FOXK1: variants seen among roughly 807,000 people sequenced by gnomAD.
The protein encoded by FOXK1 is forkhead box protein K1.
A neutral mutation model predicts 51.9 loss-of-function variants in FOXK1; 19 were observed. That is an observed-to-expected ratio of 0.37 (90% CI 0.26 to 0.54). The LOEUF is 0.54. Ranked by LOEUF, FOXK1 falls within the 20% of genes least tolerant of loss-of-function variation. FOXK1 has a pLI of 0.87. For synonymous variants in FOXK1, 537 were observed against 482.6 expected, an observed-to-expected ratio of 1.11 and a Z score of -1.48; for missense variants, 870 against 1,032.7, an observed-to-expected ratio of 0.84 and a Z score of 2.16.
Position 4,707,314 on chromosome 7 carries a change from T to C in FOXK1, c.560+24446T>C, listed in dbSNP as rs1020266333. Among the ~76,000 whole-genome samples, 1 of 152,174 alleles carries C rather than the reference T, an allele frequency of 6.6e-6. No individual in the cohort carries two copies. Among genetic ancestry groups the C allele is most frequent in the Non-Finnish European group, 1.5e-5 (1 of 68,030 alleles). On this transcript the variant is annotated intron_variant, in intron 1 of 8. Coordinates refer to ENST00000328914, the MANE Select transcript of FOXK1 (RefSeq NM_001037165.2). This position sits in a 1 kb window ranked among gnomAD's most constrained non-coding sequence, Gnocchi z 4.1. ...TCAGTGCTTATTTCAGGGAAAACTCTTGTGATGAATGGGCCATCCGGGATA... is the reference window on the plus strand; with the variant it reads ...TCAGTGCTTATTTCAGGGAAAACTCCTGTGATGAATGGGCCATCCGGGATA...
intron 1 of FOXK1, among the ~76,000 whole-genome samples, chr7:4,685,689 T>A (rs1361921461): frequency 1.3e-5 from 2 of 152,098 alleles, no homozygotes; most frequent in Admixed American, 6.6e-5. Flanking sequence ...ACGCCTGTAA[T>A]CTCAGCACTT....
At position 4,730,055 on chromosome 7, in the gene FOXK1, T is replaced by G. The variant is rs184067173; in HGVS notation, c.561-10783T>G. Among the ~76,000 whole-genome samples, 565 of 152,270 alleles carry G rather than the reference T, an allele frequency of 3.7e-3. 3 individuals carry two copies. The highest frequency in any genetic ancestry group is 0.013 in the African/African-American group (532 of 41,560). On this transcript the variant is annotated intron_variant, in intron 1 of 8. Coordinates refer to ENST00000328914, the MANE Select transcript of FOXK1 (RefSeq NM_001037165.2). The surrounding 1 kb of genome is among the most constrained non-coding windows in gnomAD (Gnocchi z 4.7). Reference sequence around the variant, plus strand: ...GGCTTCGGTCAGACCGTTGTCTGCGTTTTTCACCGCGTGTCACCGACTCAG... The same window carrying G: ...GGCTTCGGTCAGACCGTTGTCTGCGGTTTTCACCGCGTGTCACCGACTCAG...
chr7:4,737,286 A>T (rs1482693969), intron 1 of FOXK1, among the ~76,000 whole-genome samples: 2 of 152,240 alleles, frequency 1.3e-5, no homozygotes, highest in Non-Finnish European at 2.9e-5. Flanking sequence ...TCTGACAAAT[A>T]GGAGAACATG....
chr7:4,724,452 T>C (rs573605596), intron 1 of FOXK1, among the ~76,000 whole-genome samples: 21 of 152,348 alleles, frequency 1.4e-4, no homozygotes, highest in African/African-American at 5.0e-4. Flanking sequence ...TGCCTTGGCC[T>C]CCCAAAGTGC....
chr7:4,741,558 C>T (rs529809302), intron 2 of FOXK1, among the ~76,000 whole-genome samples: 17 of 152,206 alleles, frequency 1.1e-4, no homozygotes, highest in African/African-American at 4.1e-4. Context: ...CTCGAACTCC[C>T]AACCTCAAAT....
chr7:4,695,324 T>G (rs1459468971), intron 1 of FOXK1, among the ~76,000 whole-genome samples: 4 of 152,248 alleles, frequency 2.6e-5, no homozygotes, highest in African/African-American at 9.6e-5. Context: ...AATATCCAGC[T>G]TCCTTTGCAA....
Position 4,733,171 on chromosome 7 carries a change from G to C in FOXK1, c.561-7667G>C, listed in dbSNP as rs540026874. Reference sequence around the variant, plus strand: ...AGGGCCAAGTTTGTTTCTTTTATACGTGACGGTCTTTTTTTTTTTAATTTT... The same window carrying C: ...AGGGCCAAGTTTGTTTCTTTTATACCTGACGGTCTTTTTTTTTTTAATTTT... On this transcript the variant is annotated intron_variant, in intron 1 of 8. Coordinates refer to ENST00000328914, the MANE Select transcript of FOXK1 (RefSeq NM_001037165.2). This position sits in a 1 kb window ranked among gnomAD's most constrained non-coding sequence, Gnocchi z 5.0. 6.6e-6 allele frequency among the ~76,000 whole-genome samples: 1 copy of C among 151,794 alleles called. No individual in the cohort carries two copies. The highest frequency in any genetic ancestry group is 1.5e-5 in the Non-Finnish European group (1 of 67,938).
intron 1 of FOXK1, among the ~76,000 whole-genome samples, chr7:4,694,702 G>A (rs1779931809): frequency 6.6e-6 from 1 of 152,198 alleles, no homozygotes; most frequent in African/African-American, 2.4e-5. Context: ...CTTGTCTGTA[G>A]GATGACCCGT....
chr7:4,756,626 A>G lies in FOXK1; in HGVS notation c.1051-368A>G, dbSNP rs1010823752. ...AAAAATACAAAAAAATCAACCCAGC[A>G]TGGTGGCCCACGCCCATAGTCCCAG... is the stretch of plus-strand genomic sequence containing the variant. On this transcript the variant is annotated intron_variant, in intron 4 of 8. Coordinates refer to ENST00000328914, the MANE Select transcript of FOXK1 (RefSeq NM_001037165.2). This position sits in a 1 kb window ranked among gnomAD's most constrained non-coding sequence, Gnocchi z 4.1. Among the ~76,000 whole-genome samples, 4 of 151,868 alleles carry G rather than the reference A, an allele frequency of 2.6e-5. No homozygotes were observed. The South Asian group carries it at 6.2e-4, about 24-fold the overall frequency.
rs770973811 is a variant in FOXK1, at chr7:4,756,762, CAA to C, written c.1051-219_1051-218del. On this transcript the variant is annotated intron_variant, in intron 4 of 8. Transcript: ENST00000328914. The surrounding 1 kb of genome is among the most constrained non-coding windows in gnomAD (Gnocchi z 4.1). ...CCTGGGCGACAGAATGAGACTCCGT[CAA>C]AAAAAAAAAAAAGGTAAAATGGTAA... Among the ~76,000 whole-genome samples the C allele has an allele frequency of 4.5e-4, 59 of 130,992 alleles. No homozygotes were observed. Among genetic ancestry groups the C allele is most frequent in the Admixed American group, 6.9e-4 (9 of 13,094 alleles). 85.9% of individuals were successfully genotyped at this position (130,992 alleles called of 152,430 possible).
chr7:4,716,463 A>G (rs932938509), intron 1 of FOXK1, among the ~76,000 whole-genome samples: 3 of 152,138 alleles, frequency 2.0e-5, no homozygotes, highest in African/African-American at 7.2e-5. Flanking sequence ...CTATGATGGC[A>G]CCACTGCTCT....
chr7:4,721,119 G>A (rs1220451603), intron 1 of FOXK1, among the ~76,000 whole-genome samples: 1 of 152,154 alleles, frequency 6.6e-6, no homozygotes, highest in Non-Finnish European at 1.5e-5. Flanking sequence ...GTTGCCGTAA[G>A]TGCTTTCCCG....
In FOXK1 at chr7:4,747,872, G is replaced by T. The variant is rs1251779755; in HGVS notation, c.747-6587G>T. On this transcript the variant is annotated intron_variant, in intron 2 of 8. Coordinates refer to ENST00000328914, the MANE Select transcript of FOXK1 (RefSeq NM_001037165.2). The surrounding 1 kb of genome is among the most constrained non-coding windows in gnomAD (Gnocchi z 9.2). ...TGTTTTTGTTTTGTTTTGAAGCAGG[G>T]TCTTGTTCTGACACCCAGGCCGGAG... Among the ~76,000 whole-genome samples, 1 of 151,820 alleles carries T rather than the reference G, an allele frequency of 6.6e-6. No homozygotes were observed. Among genetic ancestry groups the T allele is most frequent in the Non-Finnish European group, 1.5e-5 (1 of 67,982 alleles).
intron 1 of FOXK1, among the ~76,000 whole-genome samples, chr7:4,694,582 C>G (rs1474680785): frequency 2.0e-5 from 3 of 152,210 alleles, no homozygotes; most frequent in Admixed American, 2.0e-4. Flanking sequence ...CAACAGTGCC[C>G]TCTCTCACAA....
At chr7:4,702,034 C>T (rs541215294) in intron 1 of FOXK1, among the ~76,000 whole-genome samples, 7 of 152,258 alleles carry the variant, frequency 4.6e-5, no homozygotes, top group Non-Finnish European at 1.0e-4. Flanking sequence ...GTGACTGTAC[C>T]ACTGCACTCC....
rs1780477708 is a variant in FOXK1, at chr7:4,731,666, A to G, written c.561-9172A>G. Among the ~76,000 whole-genome samples, 1 of 151,386 alleles carries G rather than the reference A, an allele frequency of 6.6e-6. No homozygotes were observed. Among genetic ancestry groups the G allele is most frequent in the Admixed American group, 6.6e-5 (1 of 15,184 alleles). ...TCCCAGCTACTCGGGAGGCTGAGGC[A>G]GGAGAATCGCTTGGACCTGGAGGCG... On this transcript the variant is annotated intron_variant, in intron 1 of 8. Transcript: ENST00000328914. The surrounding 1 kb of genome is among the most constrained non-coding windows in gnomAD (Gnocchi z 5.3).
intron 1 of FOXK1, among the ~76,000 whole-genome samples, chr7:4,721,161 C>T (rs557815464): frequency 5.2e-4 from 79 of 152,322 alleles, no homozygotes; most frequent in African/African-American, 1.8e-3. Context: ...CATCAGGGCC[C>T]TGGAGGAGGT....
In FOXK1 at chr7:4,692,632, T is replaced by G. The variant is rs540797247; in HGVS notation, c.560+9764T>G. Among the ~76,000 whole-genome samples the G allele has an allele frequency of 1.5e-3, 236 of 152,314 alleles. 2 individuals carry two copies. Among genetic ancestry groups the G allele is most frequent in the Middle Eastern group, 6.8e-3 (2 of 294 alleles). The stretch of plus-strand genomic sequence containing the variant: ...CTGGTCTCGAACTCCTAACCTCAGG[T>G]CATCCTTCTGACCTCAGGTGATCCG... On this transcript the variant is annotated intron_variant, in intron 1 of 8. Transcript: ENST00000328914.
intron 1 of FOXK1, among the ~76,000 whole-genome samples, chr7:4,686,592 C>T (rs566846919): frequency 8.0e-4 from 122 of 152,150 alleles, no homozygotes; most frequent in African/African-American, 2.8e-3. Context: ...AGGAACTGCC[C>T]GGGTCTCCGT....
Sources: allele counts gnomAD v4.1 joint callset (sites outside exome capture counted in the v4.1 genomes callset), GRCh38; gene constraint gnomAD v4.1.1; non-coding constraint Gnocchi (gnomAD v3.1); transcripts MANE v1.5; gene names NCBI Gene and HGNC (gene_info 2026-07-23, HGNC 2026-07-21).